DCDC1: variants seen among roughly 807,000 people sequenced by gnomAD.
DCDC1 encodes doublecortin domain-containing protein 1.
In DCDC1, 200 loss-of-function variants were observed where a neutral mutation model predicts 178.3. The observed-to-expected ratio is 1.12, with a 90% CI of 1.00 to 1.26. The LOEUF is 1.26. Among genes scored for constraint, DCDC1 ranks in the 50% most tolerant of loss-of-function variants. The probability of loss-of-function intolerance (pLI) is 0.00; values close to 1 mark genes in which losing one functional copy is unlikely to be tolerated. For synonymous variants in DCDC1, 690 were observed against 604.8 expected, an observed-to-expected ratio of 1.14 and a Z score of -2.07; for missense variants, 1,983 against 1,749.2, an observed-to-expected ratio of 1.13 and a Z score of -2.38.
chr11:31,173,881 G>A (rs1967606140), intron 9 of DCDC1, among the ~76,000 whole-genome samples: 1 of 152,120 alleles, frequency 6.6e-6, no homozygotes, highest in African/African-American at 2.4e-5. Context: ...TCATTCATGT[G>A]CTGTCTGTCT....
chr11:31,198,679 T>C (rs1970964095), intron 9 of DCDC1, among the ~76,000 whole-genome samples: 1 of 152,042 alleles, frequency 6.6e-6, no homozygotes, highest in Admixed American at 6.6e-5. Context: ...CAAATGTTTT[T>C]AGCTTATCAC....
chr11:30,896,536 T>G (rs1189207712), intron 34 of DCDC1, among the ~76,000 whole-genome samples: 1 of 152,236 alleles, frequency 6.6e-6, no homozygotes, highest in East Asian at 1.9e-4. Flanking sequence ...GAATCACCTG[T>G]GTCTGCAAGG....
chr11:30,907,572 G>A (rs986658382), intron 29 of DCDC1, among the ~76,000 whole-genome samples: 14 of 152,096 alleles, frequency 9.2e-5, no homozygotes, highest in African/African-American at 3.1e-4. Context: ...TTGGAACCCC[G>A]AGACCACAAT....
intron 26 of DCDC1, among the ~76,000 whole-genome samples, chr11:30,915,965 C>G (rs974684259): frequency 6.6e-6 from 1 of 151,738 alleles, no homozygotes; most frequent in South Asian, 2.1e-4. Flanking sequence ...TTGAAAAATT[C>G]GTTAGCAAAG....
At chr11:31,280,894 A>C (rs1591630446) in intron 7 of DCDC1, 1 of 640,848 alleles carries the variant, frequency 1.6e-6, no homozygotes, top group Non-Finnish European at 3.0e-6. Context: ...CATGGAGATT[A>C]GGCCCAGTCT....
intron 28 of DCDC1, among the ~76,000 whole-genome samples, 156 bp from the exon 29 acceptor site, chr11:30,909,272 C>T (rs1173379658): frequency 6.6e-6 from 1 of 152,050 alleles, no homozygotes; most frequent in African/African-American, 2.4e-5. Flanking sequence ...ATTAGACATG[C>T]AATCTTTTAT....
At chr11:31,349,165 G>A (rs1243624570) in intron 1 of DCDC1, among the ~76,000 whole-genome samples, 1 of 152,128 alleles carries the variant, frequency 6.6e-6, no homozygotes, top group Non-Finnish European at 1.5e-5. Flanking sequence ...ATATCCTACG[G>A]TAAATCTAGC....
intron 37 of DCDC1, among the ~76,000 whole-genome samples, 155 bp from the exon 38 acceptor site, chr11:30,878,866 G>T (rs1327517784): frequency 6.6e-6 from 1 of 152,098 alleles, no homozygotes; most frequent in African/African-American, 2.4e-5. Context: ...TATCACATGA[G>T]ATATATTGTT....
intron 3 of DCDC1, among the ~76,000 whole-genome samples, chr11:31,316,264 C>G (rs1230376147): frequency 2.5e-4 from 28 of 112,180 alleles, no homozygotes; most frequent in African/African-American, 1.1e-3. Flanking sequence ...AGTTTACAGT[C>G]CCACCAACAG....
intron 15 of DCDC1, 58 bp downstream of exon 15, chr11:31,102,119 T>C (rs929245519): frequency 3.5e-6 from 2 of 567,544 alleles, no homozygotes; most frequent in Admixed American, 2.8e-5. Context: ...CATTATATAT[T>C]GGTTGAGTGT....
At chr11:31,013,412 C>A (rs952765115) in intron 20 of DCDC1, among the ~76,000 whole-genome samples, 1 of 152,088 alleles carries the variant, frequency 6.6e-6, no homozygotes, top group Non-Finnish European at 1.5e-5. Flanking sequence ...CCCAGTGTAA[C>A]GCAACATGTC....
intron 9 of DCDC1, among the ~76,000 whole-genome samples, chr11:31,228,839 T>C (rs1159818972): frequency 6.6e-6 from 1 of 151,898 alleles, no homozygotes. Flanking sequence ...AGATCAAAAA[T>C]AATTATGTAA....
At chr11:30,993,007 C>A (rs1252861409) in intron 20 of DCDC1, among the ~76,000 whole-genome samples, 2 of 151,786 alleles carry the variant, frequency 1.3e-5, no homozygotes, top group Admixed American at 1.3e-4. Context: ...GATTTTCAAT[C>A]ATAAATTAGG....
chr11:31,194,812 A>T (rs1464855529), intron 9 of DCDC1, among the ~76,000 whole-genome samples: 2 of 152,084 alleles, frequency 1.3e-5, no homozygotes, highest in Admixed American at 1.3e-4. Flanking sequence ...TTGGTATGTC[A>T]AAAGTTATAA....
chr11:31,119,519 T>C (rs570813888), intron 11 of DCDC1, among the ~76,000 whole-genome samples: 3 of 152,264 alleles, frequency 2.0e-5, no homozygotes, highest in African/African-American at 7.2e-5. Context: ...ACAATGGAAA[T>C]AACGTAATAT....
intron 37 of DCDC1, 112 bp downstream of exon 37, chr11:30,881,046 T>C: frequency 8.2e-7 from 1 of 1,219,562 alleles, no homozygotes; most frequent in East Asian, 2.6e-5. Context: ...TAGAAATGCT[T>C]GGGAGGGGAT....
At chr11:31,139,301 G>A (rs1963539127) in intron 9 of DCDC1, among the ~76,000 whole-genome samples, 1 of 152,150 alleles carries the variant, frequency 6.6e-6, no homozygotes, top group Non-Finnish European at 1.5e-5. Flanking sequence ...CTGAGAATCA[G>A]TGATAAAGAG....
At chr11:30,878,453 C>A in intron 38 of DCDC1, 91 bp downstream of exon 38, 1 of 1,226,920 alleles carries the variant, frequency 8.2e-7, no homozygotes, top group Non-Finnish European at 1.1e-6. Flanking sequence ...GAACCTGTCT[C>A]AGAAAAGAAA....
intron 9 of DCDC1, among the ~76,000 whole-genome samples, chr11:31,156,489 C>A (rs973111354): frequency 1.3e-5 from 2 of 151,672 alleles, no homozygotes; most frequent in African/African-American, 4.8e-5. Context: ...CTAGTAGCTG[C>A]AGTAAAAAGA....
Sources: gnomAD v4.1 joint callset for allele counts (sites outside exome capture counted in the v4.1 genomes callset) on GRCh38, gnomAD v4.1.1 for gene constraint, MANE v1.5 for transcripts, NCBI Gene and HGNC (gene_info 2026-07-23, HGNC 2026-07-21) for gene names.